USP9X: variants seen among roughly 807,000 people sequenced by gnomAD.
USP9X encodes ubiquitin carboxyl-terminal hydrolase 9X.
Under a neutral mutation model 190.3 loss-of-function variants are expected in USP9X, and 7 were observed. The ratio of observed to expected loss-of-function variants is 0.04; its 90% confidence interval spans 0.02 to 0.07. USP9X has a LOEUF of 0.07. USP9X is among the 10% of genes least tolerant of loss of function. The pLI, the probability that USP9X is intolerant of heterozygous loss-of-function variation, is 1.00. For synonymous variants in USP9X, 645 were observed against 659.5 expected (o/e 0.98, Z 0.34); for missense variants, 1,010 against 1,916.9 (o/e 0.53, Z 8.83).
In USP9X at chrX:41,113,632, A is replaced by G. The variant is rs769798715; in HGVS notation, c.-158-9839A>G. On this transcript the variant is annotated intron_variant, in intron 1 of 44. Coordinates refer to ENST00000378308, the MANE Select transcript of USP9X (RefSeq NM_001039591.3). The stretch of plus-strand genomic sequence containing the variant: ...ATTCACATTATAATTTTAAATCAGT[A>G]TATAGTTGACCCTTGAACAACATGG... Among the ~76,000 whole-genome samples, 5 of 112,511 alleles carry G rather than the reference A, an allele frequency of 4.4e-5. No homozygotes were observed. In the East Asian group the frequency reaches 1.4e-3, roughly 31 times the overall value.
chrX:41,213,463 T>C (rs1384358137), intron 33 of USP9X, among the ~76,000 whole-genome samples: 1 of 112,160 alleles, frequency 8.9e-6, no homozygotes, highest in East Asian at 2.8e-4. Context: ...TAAGCTAGGC[T>C]AAAGCTATGA....
chrX:41,227,996 A>G (rs1275920613), intron 41 of USP9X, among the ~76,000 whole-genome samples: 1 of 111,410 alleles, frequency 9.0e-6, no homozygotes, highest in Non-Finnish European at 1.9e-5. Context: ...CACCGTGCCC[A>G]TCCCAGAACA....
Position 41,208,366 on chromosome X carries a change from C to T in USP9X, c.5016-2143C>T, listed in dbSNP as rs139691115. 2.1e-4 allele frequency among the ~76,000 whole-genome samples: 23 copies of T among 112,183 alleles called. No individual in the cohort carries two copies. In the East Asian group the frequency reaches 5.9e-3, roughly 29 times the overall value. On this transcript the variant is annotated intron_variant, in intron 32 of 44. Coordinates refer to ENST00000378308, the MANE Select transcript of USP9X (RefSeq NM_001039591.3). ...AAACTTTCGTCTTGTCATTCAGTTA[C>T]AATTTTTTCTCTTGTAATGCCTTTG...
chrX:41,198,602 T>A lies in USP9X; in HGVS notation c.4455T>A (p.Ala1485=). The A allele has an allele frequency of 8.3e-7, 1 of 1,212,017 alleles. No homozygotes were observed. The highest frequency in any genetic ancestry group is 1.1e-6 in the Non-Finnish European group (1 of 895,441). The change falls in exon 30 of 45, where the codon GCT becomes GCA. Residue 1485 remains alanine, a synonymous_variant. Transcript: ENST00000378308. ...LQYMRNGELP[A]EQAIPVCGSP... ...ATATGAGAAATGGAGAGCTTCCAGCTGAACAGGCTATTCCGGTCTGTGGTT... is the reference window on the plus strand; with the variant it reads ...ATATGAGAAATGGAGAGCTTCCAGCAGAACAGGCTATTCCGGTCTGTGGTT...
In USP9X at chrX:41,131,457, G is replaced by C; in HGVS notation, c.243G>C (p.Arg81Ser). 8.3e-7 allele frequency: 1 copy of C among 1,207,234 alleles called. No individual in the cohort carries two copies. The highest frequency in any genetic ancestry group is 1.1e-6 in the Non-Finnish European group (1 of 893,095). Reference protein sequence around the residue: ...DLAKLDDMINRPRWVVPVLPK... With the variant: ...DLAKLDDMINSPRWVVPVLPK... ...TGTTTTTGTTTGGTAAAACTTTTAG[G>C]CCTCGATGGGTGGTTCCAGTTTTGC... Residue 81 changes from arginine to serine, a missense_variant and splice_region_variant, in exon 4 of 45, where the codon AGG becomes AGC. Physicochemically the swap from Arg to Ser is moderately radical, Grantham distance 110 (BLOSUM62 -1). This residue lies in a region of USP9X where 176 missense variants were observed against 247.5 expected (regional missense o/e 0.71). Transcript: ENST00000378308.
intron 21 of USP9X, among the ~76,000 whole-genome samples, chrX:41,173,661 A>C (rs1321291386): frequency 8.9e-6 from 1 of 111,952 alleles, no homozygotes; most frequent in East Asian, 2.8e-4. Context: ...GTTTTCAGTT[A>C]TCTCCTTCAC....
chrX:41,224,654 T>A (rs2063297360), intron 39 of USP9X, 88 bp from the exon 40 acceptor site: 1 of 849,364 alleles, frequency 1.2e-6, no homozygotes, highest in Non-Finnish European at 1.7e-6. Context: ...TAAAAAAAAA[T>A]TATAGGCTAT....
chrX:41,201,143 G>A lies in USP9X; in HGVS notation c.4687G>A (p.Gly1563Ser), dbSNP rs770082993. The A allele has an allele frequency of 4.1e-6, 5 of 1,211,422 alleles. No individual in the cohort carries two copies. The highest frequency in any genetic ancestry group is 2.2e-5 in the Admixed American group (1 of 45,968). Residue 1563 changes from glycine to serine, a missense_variant, in exon 31 of 45, where the codon GGT becomes AGT. By Grantham distance (56) the Gly-to-Ser change is moderately conservative. Around this residue, in one of 11 missense-constraint regions of USP9X, gnomAD observed 120 missense variants for 342.7 expected, o/e 0.35. Coordinates refer to ENST00000378308, the MANE Select transcript of USP9X (RefSeq NM_001039591.3). The stretch of plus-strand genomic sequence containing the variant: ...AGGATTCGTGGGGCTGAAAAATGCC[G>A]GTGCTACTTGTTACATGAATTCTGT... The part of the protein sequence containing the change: ...PKGFVGLKNA[G>S]ATCYMNSVIQ...
At chrX:41,111,096 C>G (rs1781461329) in intron 1 of USP9X, among the ~76,000 whole-genome samples, 1 of 110,712 alleles carries the variant, frequency 9.0e-6, no homozygotes, top group Non-Finnish European at 1.9e-5. Flanking sequence ...ACGTTTGTCT[C>G]CACCCCTCCA....
chrX:41,121,742 A>G (rs2062191627), intron 1 of USP9X, among the ~76,000 whole-genome samples: 1 of 111,402 alleles, frequency 9.0e-6, no homozygotes, highest in African/African-American at 3.3e-5. Flanking sequence ...TCTGATGCCT[A>G]GGCCTTACTC....
intron 4 of USP9X, among the ~76,000 whole-genome samples, chrX:41,133,339 C>CT (rs1474599856): frequency 9.0e-6 from 1 of 111,089 alleles, no homozygotes; most frequent in Admixed American, 9.6e-5. Context: ...AAGAAAATAT[C>CT]TTTTTTTATT....
At position 41,189,444 on chromosome X, in the gene USP9X, A is replaced by G. The variant is rs1470257338; in HGVS notation, c.3946A>G (p.Ile1316Val). 4.1e-6 allele frequency: 5 copies of G among 1,209,037 alleles called. No homozygotes were observed. The African/African-American group carries it at 8.7e-5, about 21-fold the overall frequency. ...LSKEKAWQTFIIDLLLHCHSK... is the reference protein window; with the variant it reads ...LSKEKAWQTFVIDLLLHCHSK... ...TAAAGAAAAGGCTTGGCAGACATTC[A>G]TCATTGACTTACTATTGCACTGTCA... Residue 1316 changes from isoleucine (I) to valine (V), a missense_variant, in exon 26 of 45, where the codon ATC becomes GTC. Transcript: ENST00000378308.
At chrX:41,162,271 C>T (rs1353789755) in intron 14 of USP9X, among the ~76,000 whole-genome samples, 1 of 112,184 alleles carries the variant, frequency 8.9e-6, no homozygotes, top group Non-Finnish European at 1.9e-5. Flanking sequence ...AGGAAAATGA[C>T]ACATTCTGGA....
intron 32 of USP9X, among the ~76,000 whole-genome samples, chrX:41,205,895 C>T (rs186685547): frequency 0.13 from 9,982 of 79,818 alleles, 692 homozygotes; most frequent in East Asian, 0.17. Flanking sequence ...TTCTTTTTTT[C>T]TTTTTTTTTT....
At chrX:41,122,990 T>C (rs2062203901) in intron 1 of USP9X, among the ~76,000 whole-genome samples, 1 of 110,860 alleles carries the variant, frequency 9.0e-6, no homozygotes, top group Admixed American at 9.6e-5. Context: ...GCTTGGGGTT[T>C]ATATGGGCAC....
intron 33 of USP9X, among the ~76,000 whole-genome samples, chrX:41,211,863 AGCCG>A (rs1172632807): frequency 8.1e-4 from 83 of 102,878 alleles, no homozygotes; most frequent in Non-Finnish European, 1.5e-3. Context: ...CCGCCCGGCC[AGCCG>A]CCCCATCCGG....
rs1348641202 is a variant in USP9X, at chrX:41,185,615, T to C, written c.3559-902T>C. Among the ~76,000 whole-genome samples the C allele has an allele frequency of 4.5e-5, 5 of 111,559 alleles. No individual in the cohort carries two copies. The Admixed American group carries it at 4.8e-4, about 11-fold the overall frequency. ...TCTGTAAAAAATGGCTTAAATTTTA[T>C]ATTGTTTTGTATCACAGGTCCCATC... On this transcript the variant is annotated intron_variant, in intron 23 of 44. Coordinates refer to ENST00000378308, the MANE Select transcript of USP9X (RefSeq NM_001039591.3).
intron 14 of USP9X, among the ~76,000 whole-genome samples, chrX:41,155,347 T>C (rs993098791): frequency 1.8e-5 from 2 of 112,264 alleles, no homozygotes; most frequent in Non-Finnish European, 3.8e-5. Context: ...AAATTATTCT[T>C]TAAAAGTTTT....
rs767538812 is a variant in USP9X, at chrX:41,197,468, A to G, written c.4338A>G (p.Lys1446=). ...ELLAFQTSEK[K]FHIGCEKGGA... is the part of the protein sequence containing the mutation. ...TGGCCTTTCAAACTTCTGAGAAAAA[A>G]TTTCATATTGGTTGTGAAAAAGGAG... Residue 1446 remains lysine, a synonymous_variant, in exon 29 of 45, where the codon AAA becomes AAG. Transcript: ENST00000378308. The G allele has an allele frequency of 3.3e-6, 4 of 1,210,490 alleles. No homozygotes were observed. The highest frequency in any genetic ancestry group is 3.5e-5 in the South Asian group (2 of 56,806).
Sources: gnomAD v4.1 joint callset for allele counts (sites outside exome capture counted in the v4.1 genomes callset) on GRCh38, gnomAD v4.1.1 for gene constraint, gnomAD v4.1.1 regional missense constraint, MANE v1.5 for transcripts, NCBI Gene and HGNC (gene_info 2026-07-23, HGNC 2026-07-21) for gene names.